The following GRM5 variants were observed in gnomAD, a reference collection of about 807,000 sequenced individuals.
The protein encoded by GRM5 is glutamate metabotropic receptor 5.
A neutral mutation model predicts 83.1 loss-of-function variants in GRM5; 19 were observed. The ratio of observed to expected loss-of-function variants is 0.23; its 90% CI spans 0.16 to 0.34. GRM5 has a LOEUF of 0.34. Among genes scored for constraint, GRM5 ranks in the 10% least tolerant of loss-of-function variants. GRM5 has a pLI of 1.00. For synonymous variants in GRM5, 675 were observed against 633.6 expected (o/e 1.07, Z -0.98); for missense variants, 1,160 against 1,588.3 (o/e 0.73, Z 4.58).
intron 8 of GRM5, among the ~76,000 whole-genome samples, chr11:88,566,557 G>A (rs945657577): frequency 1.3e-5 from 2 of 152,160 alleles, no homozygotes; most frequent in Non-Finnish European, 2.9e-5. Context: ...CTACATTCTT[G>A]TGCCTCTATT....
At chr11:88,541,725 T>G (rs1942273283) in intron 8 of GRM5, among the ~76,000 whole-genome samples, 1 of 125,652 alleles carries the variant, frequency 8.0e-6, no homozygotes, top group Admixed American at 8.5e-5. Flanking sequence ...CCATGTAATT[T>G]ACAGGATTGA....
At chr11:88,728,443 G>A (rs1049610681) in intron 3 of GRM5, among the ~76,000 whole-genome samples, 27 of 151,982 alleles carry the variant, frequency 1.8e-4, no homozygotes, top group Admixed American at 1.4e-3. Flanking sequence ...TCTACTAGAG[G>A]TACACCGAGG....
chr11:88,811,357 G>A (rs1358728494), intron 3 of GRM5, among the ~76,000 whole-genome samples: 1 of 152,044 alleles, frequency 6.6e-6, no homozygotes, highest in Non-Finnish European at 1.5e-5. Context: ...AGGAAACAAG[G>A]ACTTTGGGAA....
intron 8 of GRM5, among the ~76,000 whole-genome samples, chr11:88,539,991 G>A (rs183026924): frequency 1.8e-4 from 27 of 152,248 alleles, no homozygotes; most frequent in Non-Finnish European, 3.2e-4. Flanking sequence ...ACCTGGGCAC[G>A]TCTGTTCTTT....
At chr11:88,518,768 G>C (rs1204654344) in intron 9 of GRM5, among the ~76,000 whole-genome samples, 2 of 151,620 alleles carry the variant, frequency 1.3e-5, no homozygotes, top group Non-Finnish European at 2.9e-5. Context: ...GGTTCCATCA[G>C]AGCGAGTTTT....
intron 2 of GRM5, among the ~76,000 whole-genome samples, chr11:88,949,545 A>C (rs1160232824): frequency 6.6e-6 from 1 of 152,258 alleles, no homozygotes; most frequent in African/African-American, 2.4e-5. Context: ...GTAATTGACC[A>C]GATTAATGAT....
At chr11:88,972,659 T>C (rs1301927387) in intron 2 of GRM5, among the ~76,000 whole-genome samples, 1 of 152,124 alleles carries the variant, frequency 6.6e-6, no homozygotes, top group African/African-American at 2.4e-5. Flanking sequence ...CAGGCAGAAT[T>C]CATCAATGAA....
intron 8 of GRM5, among the ~76,000 whole-genome samples, chr11:88,549,366 C>G (rs937336085): frequency 7.3e-5 from 11 of 151,124 alleles, no homozygotes; most frequent in Non-Finnish European, 1.3e-4. Flanking sequence ...TTGGGAGGAT[C>G]ACTTTAGCCC....
intron 2 of GRM5, among the ~76,000 whole-genome samples, chr11:89,001,056 A>AAAT (rs1940359823): frequency 6.6e-6 from 1 of 152,058 alleles, no homozygotes; most frequent in Non-Finnish European, 1.5e-5. Context: ...ATAAATAAAT[A>AAAT]AAACCACCAC....
At chr11:88,680,043 G>C (rs72643308) in intron 3 of GRM5, among the ~76,000 whole-genome samples, 11,497 of 152,042 alleles carry the variant, frequency 0.076, 768 homozygotes, top group African/African-American at 0.18. Flanking sequence ...GTAATCTATG[G>C]GGGTTAATTC....
chr11:88,967,881 T>C (rs1014607375), intron 2 of GRM5, among the ~76,000 whole-genome samples: 1 of 152,018 alleles, frequency 6.6e-6, no homozygotes, highest in Non-Finnish European at 1.5e-5. Context: ...ATACCTAACC[T>C]ACCAAGGTCA....
chr11:88,659,344 G>A (rs565254404), intron 3 of GRM5, among the ~76,000 whole-genome samples: 1 of 152,170 alleles, frequency 6.6e-6, no homozygotes, highest in Admixed American at 6.5e-5. Flanking sequence ...TTTTCTCCTG[G>A]ATTTCTACAT....
intron 3 of GRM5, among the ~76,000 whole-genome samples, chr11:88,756,086 G>GA (rs2135432755): frequency 6.6e-6 from 1 of 152,232 alleles, no homozygotes; most frequent in East Asian, 1.9e-4. Flanking sequence ...CCCATCTAGG[G>GA]ATTGGTGATC....
In GRM5 at chr11:88,618,605, C is replaced by CAAAA. The variant is rs34947093; in HGVS notation, c.1148-13645_1148-13642dup. 1.4e-3 allele frequency among the ~76,000 whole-genome samples: 180 copies of CAAAA among 129,606 alleles called. 2 individuals carry two copies. Among genetic ancestry groups the CAAAA allele is most frequent in the African/African-American group, 4.7e-3 (176 of 37,336 alleles). 85.0% of individuals were successfully genotyped at this position (129,606 alleles called of 152,430 possible). The stretch of plus-strand genomic sequence containing the variant: ...CATAAGTAAGATGAATCTGTGTCCT[C>CAAAA]AAAAAAAAAAAAACGATTCAACATA... On this transcript the variant is annotated intron_variant, in intron 4 of 9. Transcript: ENST00000305447.
intron 3 of GRM5, among the ~76,000 whole-genome samples, chr11:88,677,184 C>G (rs1362890390): frequency 6.6e-6 from 1 of 151,876 alleles, no homozygotes; most frequent in African/African-American, 2.4e-5. Flanking sequence ...CATGTAATAA[C>G]TTTTATTCAG....
chr11:88,790,961 C>G (rs1035892148), intron 3 of GRM5, among the ~76,000 whole-genome samples: 10 of 151,944 alleles, frequency 6.6e-5, no homozygotes, highest in African/African-American at 2.4e-4. Flanking sequence ...AGATCACTGG[C>G]AGCAATGTGG....
At chr11:88,706,711 C>T (rs1295209158) in intron 3 of GRM5, among the ~76,000 whole-genome samples, 2 of 151,976 alleles carry the variant, frequency 1.3e-5, no homozygotes, top group Non-Finnish European at 2.9e-5. Context: ...AATGTTCTGC[C>T]TTTAAGTATT....
At chr11:88,829,810 G>A (rs898795053) in intron 3 of GRM5, among the ~76,000 whole-genome samples, 8 of 152,070 alleles carry the variant, frequency 5.3e-5, no homozygotes. Flanking sequence ...GAGGAGTGAA[G>A]AAGCTATAAA....
intron 2 of GRM5, among the ~76,000 whole-genome samples, chr11:88,996,886 C>T (rs1283918458): frequency 6.6e-6 from 1 of 152,088 alleles, no homozygotes; most frequent in Non-Finnish European, 1.5e-5. Flanking sequence ...CAATACACTG[C>T]TAAATAATCT....
Sources: allele counts gnomAD v4.1 joint callset (sites outside exome capture counted in the v4.1 genomes callset), GRCh38; gene constraint gnomAD v4.1.1; transcripts MANE v1.5; gene names NCBI Gene and HGNC (gene_info 2026-07-23, HGNC 2026-07-21).